The following SRRM1 variants were observed in gnomAD, a reference collection of about 807,000 sequenced individuals.
The protein encoded by SRRM1 is serine and arginine repetitive matrix 1.
SRRM1 carries 19 observed loss-of-function variants against 110.2 expected under a neutral mutation model. The observed-to-expected ratio is 0.17, with a 90% CI of 0.12 to 0.25. SRRM1 has a LOEUF of 0.25. Ranked by LOEUF, SRRM1 falls within the 10% of genes least tolerant of loss-of-function variation. The probability of loss-of-function intolerance (pLI) is 1.00; values close to 1 mark genes in which losing one functional copy is unlikely to be tolerated. For missense variants in SRRM1, 918 were observed against 1,145.8 expected, an observed-to-expected ratio of 0.80 and a Z score of 2.87; for synonymous variants, 443 against 414.9, an observed-to-expected ratio of 1.07 and a Z score of -0.82.
At chr1:24,643,510 G>A in intron 1 of SRRM1, 163 bp downstream of exon 1, 1 of 584,168 alleles carries the variant, frequency 1.7e-6, no homozygotes. Context: ...CGCTGCGGCG[G>A]AGACCGGTGC....
intron 15 of SRRM1, 23 bp downstream of exon 15, chr1:24,670,338 A>G: frequency 6.3e-7 from 1 of 1,579,894 alleles, no homozygotes. Flanking sequence ...CTTATTTTGG[A>G]CACCCTTTTA....
chr1:24,646,631 G>A, intron 2 of SRRM1, 36 bp from the exon 3 acceptor site: 3 of 1,524,006 alleles, frequency 2.0e-6, no homozygotes, highest in Non-Finnish European at 2.6e-6. Flanking sequence ...TTTTAGGATT[G>A]TGAAGTTGTA....
In SRRM1 at chr1:24,671,543, C is replaced by T; in HGVS notation, c.2558C>T (p.Ala853Val). 1 of 1,607,990 alleles carries T rather than the reference C, an allele frequency of 6.2e-7. No homozygotes were observed. The highest frequency in any genetic ancestry group is 8.5e-7 in the Non-Finnish European group (1 of 1,178,466). ...AAVTPAAIAA[A>V]TTTLAQEEPV... Reference sequence around the variant, plus strand: ...GTGACCCCTGCAGCCATTGCAGCTGCCACAACCACATTAGCACAGGAAGAG... The same window carrying T: ...GTGACCCCTGCAGCCATTGCAGCTGTCACAACCACATTAGCACAGGAAGAG... Residue 853 changes from alanine to valine, a missense_variant, in exon 16 of 17, where the codon GCC becomes GTC. Around this residue, in one of 5 missense-constraint regions of SRRM1, gnomAD observed 62 missense variants for 127.6 expected, o/e 0.49. Coordinates refer to ENST00000323848, the MANE Select transcript of SRRM1 (RefSeq NM_005839.4).
In SRRM1 at chr1:24,661,301, A is replaced by G. The variant is rs41300132; in HGVS notation, c.1397-9A>G. On this transcript the variant is annotated splice_polypyrimidine_tract_variant and intron_variant, in intron 10 of 16. Transcript: ENST00000323848. ...AAAGAAACACTTTCTAAATGCATCC[A>G]TCTTTCAGAAGAAGATAAAGGTGGC... 4.6e-3 allele frequency: 7,382 copies of G among 1,607,200 alleles called. 33 individuals are homozygous for G. The highest frequency in any genetic ancestry group is 5.8e-3 in the Non-Finnish European group (6,807 of 1,175,368).
intron 5 of SRRM1, 70 bp from the exon 6 acceptor site, chr1:24,651,339 C>T: frequency 7.9e-7 from 1 of 1,269,964 alleles, no homozygotes; most frequent in Non-Finnish European, 1.1e-6. Flanking sequence ...TTAATCCTCA[C>T]TTCTCCCTTT....
At chr1:24,648,457 T>C (rs567890595) in intron 3 of SRRM1, 160 of 159,582 alleles carry the variant, frequency 1.0e-3, no homozygotes, top group Non-Finnish European at 1.8e-3. Flanking sequence ...GTTTATGTAC[T>C]TTTTCCGTTT....
intron 8 of SRRM1, chr1:24,654,309 C>T: frequency 6.2e-6 from 8 of 1,289,516 alleles, no homozygotes; most frequent in Non-Finnish European, 8.1e-6. Flanking sequence ...TTTTCAGGTT[C>T]TCAGGAATTC....
intron 11 of SRRM1, 27 bp downstream of exon 11, chr1:24,661,423 T>TC: frequency 6.5e-7 from 1 of 1,546,036 alleles, no homozygotes; most frequent in Non-Finnish European, 8.9e-7. Flanking sequence ...AAGTTTTTTT[T>TC]CTACCTGTAT....
chr1:24,659,306 G>A (rs546413667), intron 9 of SRRM1, among the ~76,000 whole-genome samples: 3 of 152,232 alleles, frequency 2.0e-5, no homozygotes, highest in African/African-American at 7.2e-5. Context: ...TTAGATCACT[G>A]GTTCTCTAAT....
At chr1:24,666,770 C>CA in intron 12 of SRRM1, 45 bp from the exon 13 acceptor site, 1 of 1,529,120 alleles carries the variant, frequency 6.5e-7, no homozygotes, top group Non-Finnish European at 9.0e-7. Context: ...ATCACACACA[C>CA]ACAAAAAAAA....
rs1428944343 is a variant in SRRM1 at position 24,646,538 on chromosome 1, A to AAAG, written c.112-127_112-126insGAA. On this transcript the variant is annotated intron_variant, in intron 2 of 16. Coordinates refer to ENST00000323848, the MANE Select transcript of SRRM1 (RefSeq NM_005839.4). ...ACTCTGTCTCAAAAAAAAAAAAAAAAAATTAGCAGATTCTACTATGCCAAA... is the reference window on the plus strand; with the variant it reads ...ACTCTGTCTCAAAAAAAAAAAAAAAAAAGAATTAGCAGATTCTACTATGCCAAA... 113 of 734,032 alleles carry AAAG rather than the reference A, an allele frequency of 1.5e-4. No homozygotes were observed. In the African/African-American group the frequency reaches 1.9e-3, roughly 13 times the overall value. The allele number at this position is 734,032 out of a possible 1,614,324, so 45.5% of individuals were successfully genotyped here.
In SRRM1 at chr1:24,646,690, G is replaced by A. The variant is rs1657884023; in HGVS notation, c.135G>A (p.Leu45=). ...AGGTGGACATGAGCAAAGTAAATTT[G>A]GAGGTTATAAAGCCTTGGATAACAA... is the stretch of plus-strand genomic sequence containing the variant. The part of the protein sequence containing the change: ...EKKVDMSKVN[L]EVIKPWITKR... The change falls in exon 3 of 17, where the codon TTG becomes TTA. Residue 45 remains leucine (L), a synonymous_variant. Coordinates refer to ENST00000323848, the MANE Select transcript of SRRM1 (RefSeq NM_005839.4). 6.2e-7 allele frequency: 1 copy of A among 1,600,536 alleles called. No individual in the cohort carries two copies. Among genetic ancestry groups the A allele is most frequent in the East Asian group, 2.3e-5 (1 of 44,148 alleles).
rs757590747 is a variant in SRRM1 at position 24,669,590 on chromosome 1, A to T, written c.2204+3A>T. 5 of 1,538,922 alleles carry T rather than the reference A, an allele frequency of 3.2e-6. No homozygotes were observed. In the East Asian group the frequency reaches 1.2e-4, roughly 38 times the overall value. On this transcript the variant is annotated splice_donor_region_variant and intron_variant, in intron 14 of 16. Coordinates refer to ENST00000323848, the MANE Select transcript of SRRM1 (RefSeq NM_005839.4). ...CCGGAACCTAAAAAGATAAAAAAGT[A>T]AAAATATTTTATGCTTTTCCATTAG...
chr1:24,655,588 T>G (rs1663635772), intron 9 of SRRM1, among the ~76,000 whole-genome samples: 1 of 152,180 alleles, frequency 6.6e-6, no homozygotes, highest in Non-Finnish European at 1.5e-5. Context: ...AAAAGCTGAT[T>G]TGTTTTTTTA....
chr1:24,669,370 G>C lies in SRRM1; in HGVS notation c.1987G>C (p.Gly663Arg). The C allele has an allele frequency of 6.2e-7, 1 of 1,614,116 alleles. No homozygotes were observed. Among genetic ancestry groups the C allele is most frequent in the South Asian group, 1.1e-5 (1 of 91,074 alleles). Residue 663 changes from glycine (G) to arginine (R), a missense_variant, in exon 14 of 17, where the codon GGG becomes CGG. Physicochemically the swap from Gly to Arg is moderately radical, Grantham distance 125. Around this residue, in one of 5 missense-constraint regions of SRRM1, gnomAD observed 357 missense variants for 402.9 expected, o/e 0.89. Transcript: ENST00000323848. ...SPSLSSKHRK[G>R]SSPSRSTREA... ...TTCATTATCATCCAAGCATAGGAAA[G>C]GGTCTTCCCCAAGCCGCTCTACCCG...
At position 24,662,817 on chromosome 1, in the gene SRRM1, C is replaced by A. The variant is rs762397965; in HGVS notation, c.1628+13C>A. On this transcript the variant is annotated intron_variant, in intron 12 of 16. Transcript: ENST00000323848. ...AGACTTCCCCTCGGTAACATCTTTG[C>A]TTCAGTGATGTTCACTGATGTTCTG... The A allele has an allele frequency of 3.7e-6, 6 of 1,613,708 alleles. No individual in the cohort carries two copies. The highest frequency in any genetic ancestry group is 1.7e-5 in the Admixed American group (1 of 59,954).
rs1553167407 is a variant in SRRM1, at chr1:24,652,054, A to ATAT, written c.726-379_726-377dup. Among the ~76,000 whole-genome samples, 41 of 134,728 alleles carry ATAT rather than the reference A, an allele frequency of 3.0e-4. 3 individuals are homozygous for ATAT. Among genetic ancestry groups the ATAT allele is most frequent in the African/African-American group, 8.9e-4 (33 of 36,972 alleles). The allele number at this position is 134,728 out of a possible 152,430, so 88.4% of individuals were successfully genotyped here. A position where few individuals can be genotyped will look rare whatever the true frequency, so the allele number is the denominator to read the frequency against. On this transcript the variant is annotated intron_variant, in intron 6 of 16. Coordinates refer to ENST00000323848, the MANE Select transcript of SRRM1 (RefSeq NM_005839.4). ...AATATATATATATATATATATATATATATATATATGTACACACACACACAC... is the reference window on the plus strand; with the variant it reads ...AATATATATATATATATATATATATATATTATATATATGTACACACACACACAC...
chr1:24,643,955 C>G (rs1358633376), intron 1 of SRRM1, among the ~76,000 whole-genome samples: 1 of 152,044 alleles, frequency 6.6e-6, no homozygotes, highest in Non-Finnish European at 1.5e-5. Context: ...GGGAGGGGGA[C>G]GTAGATAACT....
At chr1:24,669,004 TATAA>T in intron 13 of SRRM1, 115 bp from the exon 14 acceptor site, 1 of 760,494 alleles carries the variant, frequency 1.3e-6, no homozygotes. Flanking sequence ...CATGTTCACT[TATAA>T]ATATATTCCC....
Sources: gnomAD v4.1 joint callset for allele counts (sites outside exome capture counted in the v4.1 genomes callset) on GRCh38, gnomAD v4.1.1 for gene constraint, gnomAD v4.1.1 regional missense constraint, MANE v1.5 for transcripts, NCBI Gene and HGNC (gene_info 2026-07-23, HGNC 2026-07-21) for gene names.